Variants in GMDS observed in about 807,000 individuals in gnomAD.
The protein encoded by GMDS is GDP-mannose 4,6 dehydratase.
GMDS carries 20 observed loss-of-function variants against 49.9 expected under a neutral mutation model. The ratio of observed to expected loss-of-function variants is 0.40; its 90% CI spans 0.28 to 0.58. GMDS has a LOEUF of 0.58. GMDS is among the 20% of genes least tolerant of loss of function. The pLI is 0.42. For missense variants in GMDS, 362 were observed against 481.4 expected, an observed-to-expected ratio of 0.75 and a Z score of 2.32; for synonymous variants, 177 against 178.6, an observed-to-expected ratio of 0.99 and a Z score of 0.07.
intron 1 of GMDS, among the ~76,000 whole-genome samples, chr6:2,144,658 C>T (rs902807476): frequency 4.6e-5 from 7 of 152,208 alleles, no homozygotes; most frequent in South Asian, 4.1e-4. Flanking sequence ...CCCTGGCTCC[C>T]TCTCAGAACT....
At chr6:2,167,419 C>T (rs918216133) in intron 1 of GMDS, among the ~76,000 whole-genome samples, 2 of 152,190 alleles carry the variant, frequency 1.3e-5, no homozygotes, top group Admixed American at 6.6e-5. Context: ...GGTCATCACA[C>T]CTGCAGTTTC....
chr6:2,195,803 A>G (rs556348583), intron 1 of GMDS, among the ~76,000 whole-genome samples: 2 of 151,358 alleles, frequency 1.3e-5, no homozygotes, highest in African/African-American at 2.4e-5. Context: ...GCAACATAAG[A>G]AAGACCTTGT....
At chr6:1,975,272 A>C (rs1297485182) in intron 4 of GMDS, among the ~76,000 whole-genome samples, 1 of 152,214 alleles carries the variant, frequency 6.6e-6, no homozygotes, top group African/African-American at 2.4e-5. Context: ...GCATATGGGC[A>C]AGGAAGAATG....
chr6:2,033,058 T>C (rs955558067), intron 4 of GMDS, among the ~76,000 whole-genome samples: 5 of 152,244 alleles, frequency 3.3e-5, no homozygotes, highest in Non-Finnish European at 7.3e-5. Context: ...TGCAAACAGT[T>C]GAATGAATTA....
chr6:1,796,325 T>G (rs546220653), intron 7 of GMDS, among the ~76,000 whole-genome samples: 1 of 152,192 alleles, frequency 6.6e-6, no homozygotes, highest in Non-Finnish European at 1.5e-5. Context: ...TTCAGTATGA[T>G]AGATCTTCAA....
intron 7 of GMDS, among the ~76,000 whole-genome samples, chr6:1,794,714 C>T (rs950147371): frequency 5.9e-5 from 9 of 152,174 alleles, no homozygotes; most frequent in Non-Finnish European, 1.2e-4. Context: ...TATACATTTC[C>T]TGACAAGACC....
intron 8 of GMDS, among the ~76,000 whole-genome samples, chr6:1,736,687 G>A (rs983957239): frequency 3.3e-5 from 5 of 152,172 alleles, no homozygotes; most frequent in South Asian, 2.1e-4. Flanking sequence ...AGGGATCAAC[G>A]GTGGCTGGTC....
chr6:2,072,330 C>T (rs1259107947), intron 4 of GMDS, among the ~76,000 whole-genome samples: 4 of 152,184 alleles, frequency 2.6e-5, no homozygotes, highest in African/African-American at 7.2e-5. Flanking sequence ...CCAACAGTTA[C>T]TCCTCGTGAA....
rs559958038 is a variant in GMDS at position 2,164,527 on chromosome 6, T to TG, written c.103-39797dup. The stretch of plus-strand genomic sequence containing the variant: ...ACAGGGGTGGAGAGGCTACTCCCAT[T>TG]GGGGGTGGAGAGGCCACATCCACTG... On this transcript the variant is annotated intron_variant, in intron 1 of 10. Transcript: ENST00000380815. Among the ~76,000 whole-genome samples, 40 of 152,272 alleles carry TG rather than the reference T, an allele frequency of 2.6e-4. 3 individuals are homozygous for TG. In the Middle Eastern group the frequency reaches 0.02, roughly 78 times the overall value.
chr6:2,069,266 T>A (rs1771826720), intron 4 of GMDS, among the ~76,000 whole-genome samples: 1 of 152,052 alleles, frequency 6.6e-6, no homozygotes, highest in South Asian at 2.1e-4. Flanking sequence ...AAAAATCAAT[T>A]CAAGATGGAT....
chr6:2,226,151 C>T (rs1034339652), intron 1 of GMDS, among the ~76,000 whole-genome samples: 1 of 152,210 alleles, frequency 6.6e-6, no homozygotes, highest in Non-Finnish European at 1.5e-5. Flanking sequence ...GCCAGGCCAT[C>T]CCAGTTTTCA....
At chr6:2,153,605 C>T (rs1776954356) in intron 1 of GMDS, among the ~76,000 whole-genome samples, 1 of 151,964 alleles carries the variant, frequency 6.6e-6, no homozygotes, top group South Asian at 2.1e-4. Flanking sequence ...ATACTGATCC[C>T]TACTCAAAAT....
chr6:1,725,809 T>C (rs77722394), intron 9 of GMDS, among the ~76,000 whole-genome samples: 1,634 of 152,296 alleles, frequency 0.011, 19 homozygotes, highest in African/African-American at 0.036. Flanking sequence ...AAACAAATGA[T>C]TATGGTGGGT....
chr6:1,910,812 T>C (rs948738997), intron 7 of GMDS, among the ~76,000 whole-genome samples: 6 of 152,166 alleles, frequency 3.9e-5, no homozygotes, highest in African/African-American at 1.2e-4. Flanking sequence ...TAAAAACAAG[T>C]GGTGAGGCCA....
intron 4 of GMDS, among the ~76,000 whole-genome samples, chr6:2,050,141 A>T (rs2127435861): frequency 6.6e-6 from 1 of 152,300 alleles, no homozygotes; most frequent in South Asian, 2.1e-4. Flanking sequence ...AGGCTAATAA[A>T]GAAGAAAAGA....
chr6:1,744,076 G>A (rs1212931221), intron 7 of GMDS, among the ~76,000 whole-genome samples: 17 of 152,114 alleles, frequency 1.1e-4, no homozygotes. Flanking sequence ...CTTAGAAAAT[G>A]CCACCAAAAA....
intron 7 of GMDS, among the ~76,000 whole-genome samples, chr6:1,916,768 G>A (rs1269087311): frequency 6.6e-6 from 1 of 152,140 alleles, no homozygotes; most frequent in Admixed American, 6.5e-5. Flanking sequence ...AGTTAATGAT[G>A]CTTTGTTTTC....
intron 1 of GMDS, among the ~76,000 whole-genome samples, chr6:2,236,540 T>G (rs906629919): frequency 6.6e-6 from 1 of 152,186 alleles, no homozygotes; most frequent in Non-Finnish European, 1.5e-5. Flanking sequence ...CACTGTAAAC[T>G]ACAATAAACA....
chr6:1,924,667 T>C (rs191734565), intron 7 of GMDS, among the ~76,000 whole-genome samples: 83 of 152,304 alleles, frequency 5.4e-4, no homozygotes, highest in African/African-American at 1.9e-3. Context: ...AGGAACTCAA[T>C]AGAATACATG....
Sources: gnomAD v4.1 joint callset for allele counts (sites outside exome capture counted in the v4.1 genomes callset) on GRCh38, gnomAD v4.1.1 for gene constraint, MANE v1.5 for transcripts, NCBI Gene and HGNC (gene_info 2026-07-23, HGNC 2026-07-21) for gene names.